The following CHLSN variants were observed in gnomAD, a reference collection of about 807,000 sequenced individuals.
The protein encoded by CHLSN is cholesin, also known as protein cholesin.
chr7:1,087,363 G>A, the CHLSN span: 4 of 152,236 alleles, frequency 2.6e-5, no homozygotes, highest in African/African-American at 4.8e-5. Context: ...GAAGAGTTTC[G>A]GAGTTCAGAT....
the CHLSN span, among the ~76,000 whole-genome samples, chr7:1,022,593 T>G: frequency 6.6e-6 from 1 of 152,036 alleles, no homozygotes; most frequent in Non-Finnish European, 1.5e-5. Flanking sequence ...CCTCGCAGAG[T>G]AGCCAGGACC....
chr7:988,238 C>T, the CHLSN span: 1 of 1,544,920 alleles, frequency 6.5e-7, no homozygotes, highest in East Asian at 2.3e-5. Flanking sequence ...TCCCATCTTC[C>T]CCGGGGCCCC....
the CHLSN span, among the ~76,000 whole-genome samples, chr7:1,080,136 T>G: frequency 6.6e-6 from 1 of 152,114 alleles, no homozygotes; most frequent in Non-Finnish European, 1.5e-5. Context: ...CAAAACAGAG[T>G]GGCCACTTTG....
the CHLSN span, among the ~76,000 whole-genome samples, chr7:1,020,647 C>G: frequency 6.6e-6 from 1 of 152,230 alleles, no homozygotes; most frequent in African/African-American, 2.4e-5. Context: ...AAACCCAGCC[C>G]TTACCGAACC....
chr7:1,016,035 C>A, the CHLSN span, among the ~76,000 whole-genome samples: 1 of 141,816 alleles, frequency 7.1e-6, no homozygotes, highest in East Asian at 2.0e-4. Context: ...CGCTCCCCCT[C>A]CGGTGTCACG....
At chr7:1,117,406 ACATCAC>A in the CHLSN span, among the ~76,000 whole-genome samples, 1 of 118,468 alleles carries the variant, frequency 8.4e-6, no homozygotes, top group African/African-American at 4.3e-5. Flanking sequence ...ACGCAGGATG[ACATCAC>A]TGCAGTTCTA....
At chr7:1,113,693 C>T in the CHLSN span, among the ~76,000 whole-genome samples, 2 of 152,340 alleles carry the variant, frequency 1.3e-5, no homozygotes, top group Non-Finnish European at 2.9e-5. Flanking sequence ...AGGACAGACT[C>T]ATTACCTCCT....
At chr7:1,006,534 A>AGC in the CHLSN span, among the ~76,000 whole-genome samples, 1,939 of 135,316 alleles carry the variant, frequency 0.014, 436 homozygotes, top group Middle Eastern at 0.027. Flanking sequence ...GCAGGGAAAG[A>AGC]GCACACGACG....
chr7:1,062,984 A>G, the CHLSN span, among the ~76,000 whole-genome samples: 3 of 152,074 alleles, frequency 2.0e-5, no homozygotes, highest in Non-Finnish European at 2.9e-5. Flanking sequence ...CCCTCATCTG[A>G]ACCCTAACCC....
At chr7:1,029,190 C>G in the CHLSN span, 1 of 152,202 alleles carries the variant, frequency 6.6e-6, no homozygotes, top group Non-Finnish European at 1.5e-5. Flanking sequence ...TGCAGTGGCA[C>G]CATTGTAGCT....
the CHLSN span, among the ~76,000 whole-genome samples, chr7:1,011,506 C>T: frequency 6.7e-6 from 1 of 149,394 alleles, no homozygotes; most frequent in African/African-American, 2.5e-5. Flanking sequence ...CCCAGACACC[C>T]TGACACACCC....
At chr7:1,069,319 A>G in the CHLSN span, among the ~76,000 whole-genome samples, 1 of 151,908 alleles carries the variant, frequency 6.6e-6, no homozygotes, top group Non-Finnish European at 1.5e-5. Flanking sequence ...CGACAGAGCG[A>G]AACTCCGTCT....
the CHLSN span, among the ~76,000 whole-genome samples, chr7:1,078,997 T>C: frequency 0.012 from 1,595 of 132,264 alleles, 96 homozygotes; most frequent in African/African-American, 0.037. Context: ...GTCAGGGCTC[T>C]GTCAAGACTG....
the CHLSN span, among the ~76,000 whole-genome samples, chr7:1,063,234 A>G: frequency 2.0e-5 from 3 of 152,134 alleles, no homozygotes; most frequent in South Asian, 6.2e-4. Flanking sequence ...CTGTCCCCAA[A>G]CAGCAAATCT....
the CHLSN span, among the ~76,000 whole-genome samples, chr7:985,532 G>C: frequency 6.6e-6 from 1 of 152,182 alleles, no homozygotes; most frequent in Non-Finnish European, 1.5e-5. Context: ...TCCAGGAAAT[G>C]GGGGATCCCC....
At chr7:1,040,655 T>C in the CHLSN span, among the ~76,000 whole-genome samples, 1 of 144,990 alleles carries the variant, frequency 6.9e-6, no homozygotes, top group Non-Finnish European at 1.5e-5. Context: ...TTCTTAACCA[T>C]GACACCAAAA....
At chr7:1,059,033 G>C in the CHLSN span, 1 of 176,962 alleles carries the variant, frequency 5.7e-6, no homozygotes, top group African/African-American at 2.4e-5. Flanking sequence ...TCACCACAGG[G>C]TTCTGAGAAC....
At chr7:1,127,808 C>T in the CHLSN span, among the ~76,000 whole-genome samples, 1 of 76,534 alleles carries the variant, frequency 1.3e-5, no homozygotes, top group Non-Finnish European at 2.4e-5. Context: ...CGGCTGATCC[C>T]ACCGTCACCC....
At chr7:986,716 C>G in the CHLSN span, 7 of 1,611,836 alleles carry the variant, frequency 4.3e-6, no homozygotes, top group African/African-American at 4.0e-5. Flanking sequence ...TTCTGAGGAC[C>G]CTCCTGGAGG....
Sources: allele counts gnomAD v4.1 joint callset (sites outside exome capture counted in the v4.1 genomes callset), GRCh38; gene constraint gnomAD v4.1.1; transcripts MANE v1.5; gene names NCBI Gene and HGNC (gene_info 2026-07-23, HGNC 2026-07-21).